CDH3: variants seen among roughly 807,000 people sequenced by gnomAD.
The protein encoded by CDH3 is cadherin-3.
CDH3 carries 54 observed loss-of-function variants against 82.0 expected under a neutral mutation model. That is an observed-to-expected ratio of 0.66 (90% confidence interval 0.53 to 0.83). CDH3 has a LOEUF of 0.83. Among genes scored for constraint, CDH3 ranks in the 40% least tolerant of loss-of-function variants. The pLI is 0.00. For synonymous variants in CDH3, 446 were observed against 437.9 expected (o/e 1.02, Z -0.23); for missense variants, 1,054 against 1,084.6 (o/e 0.97, Z 0.40).
Position 68,695,834 on chromosome 16 carries a change from C to A in CDH3, c.2191C>A (p.Arg731Ser). The A allele has an allele frequency of 6.2e-7, 1 of 1,614,100 alleles. No homozygotes were observed. Among genetic ancestry groups the A allele is most frequent in the Non-Finnish European group, 8.5e-7 (1 of 1,179,998 alleles). ...GLEARPEVVL[R>S]NDVAPTIIPT... Reference sequence around the variant, plus strand: ...GGAGGCCAGGCCGGAGGTGGTTCTCCGCAATGACGTGGCACCAACCATCAT... The same window carrying A: ...GGAGGCCAGGCCGGAGGTGGTTCTCAGCAATGACGTGGCACCAACCATCAT... Residue 731 changes from arginine (R) to serine (S), a missense_variant, in exon 15 of 16, where the codon CGC becomes AGC. Arg to Ser is a moderately radical substitution (Grantham distance 110, BLOSUM62 -1). Transcript: ENST00000264012.
At chr16:68,653,555 T>C (rs1029895435) in intron 2 of CDH3, among the ~76,000 whole-genome samples, 4 of 151,990 alleles carry the variant, frequency 2.6e-5, no homozygotes, top group African/African-American at 9.7e-5. Flanking sequence ...GTTTTTATTA[T>C]GTGCTTGGCC....
At chr16:68,656,819 C>G (rs1431827928) in intron 2 of CDH3, among the ~76,000 whole-genome samples, 1 of 152,208 alleles carries the variant, frequency 6.6e-6, no homozygotes, top group Non-Finnish European at 1.5e-5. Flanking sequence ...CTGCTAATCG[C>G]CAGGAGGGTT....
At chr16:68,702,973 A>G (rs976240232), downstream of CDH3, among the ~76,000 whole-genome samples, 2 of 152,070 alleles carry the variant, frequency 1.3e-5, no homozygotes, top group Non-Finnish European at 2.9e-5. Flanking sequence ...CCAAATCCAG[A>G]GCATTTTGAA....
At chr16:68,703,500 G>A (rs963624339), downstream of CDH3, among the ~76,000 whole-genome samples, 2 of 152,198 alleles carry the variant, frequency 1.3e-5, no homozygotes, top group Admixed American at 6.5e-5. Flanking sequence ...AGAGCTCCAG[G>A]GAACGACTCC....
intron 2 of CDH3, among the ~76,000 whole-genome samples, chr16:68,724,911 G>A (rs1394111555): frequency 6.6e-6 from 1 of 152,142 alleles, no homozygotes; most frequent in Non-Finnish European, 1.5e-5. Flanking sequence ...TTCATTGGCT[G>A]CCGAGCCAGC....
intron 1 of CDH3, chr16:68,722,313 T>C (rs1962173756): frequency 6.6e-6 from 1 of 152,128 alleles, no homozygotes; most frequent in Non-Finnish European, 1.5e-5. Flanking sequence ...AGTGAGTGAG[T>C]TAATGTGGCC....
At chr16:68,664,720 G>A (rs1960687935) in intron 2 of CDH3, among the ~76,000 whole-genome samples, 1 of 151,996 alleles carries the variant, frequency 6.6e-6, no homozygotes, top group Admixed American at 6.6e-5. Context: ...AGTGCATGGT[G>A]TGATCACGAC....
In CDH3 at chr16:68,695,404, T is replaced by C. The variant is rs766328718; in HGVS notation, c.2133+19T>C. ...GGACCAGGTGGGGCACTGGGGGCTC[T>C]GGGATTGGGAGGTGGATGCCCCTAA... On this transcript the variant is annotated intron_variant, in intron 14 of 15. Transcript: ENST00000264012. 6.3e-7 allele frequency: 1 copy of C among 1,596,352 alleles called. No homozygotes were observed. Among genetic ancestry groups the C allele is most frequent in the Middle Eastern group, 1.7e-4 (1 of 6,038 alleles).
chr16:68,709,457 T>G (rs1189431485), intron 1 of CDH3, among the ~76,000 whole-genome samples: 1 of 151,932 alleles, frequency 6.6e-6, no homozygotes, highest in Admixed American at 6.6e-5. Context: ...GGAGGTGCAG[T>G]CTACAGTGGG....
rs11328814 is a variant in CDH3 at position 68,694,622 on chromosome 16, C to CA, written c.2003-615dup. Reference sequence around the variant, plus strand: ...GGGCGACAAGAGTGAGACTCTGTCTCAAAAAAAAAAAAAAAAAATTCCAAC... The same window carrying CA: ...GGGCGACAAGAGTGAGACTCTGTCTCAAAAAAAAAAAAAAAAAAATTCCAAC... On this transcript the variant is annotated intron_variant, in intron 13 of 15. Transcript: ENST00000264012. 4.6e-4 allele frequency among the ~76,000 whole-genome samples: 65 copies of CA among 141,710 alleles called. No individual in the cohort carries two copies. The South Asian group carries it at 5.4e-3, about 12-fold the overall frequency. The allele number at this position is 141,710 out of a possible 152,430, so 93.0% of individuals were successfully genotyped here.
At position 68,678,847 on chromosome 16, in the gene CDH3, A is replaced by C; in HGVS notation, c.632A>C (p.His211Pro). ...ISIIVTDQND[H>P]KPKFTQDTFR... ...ATCATCGTGACCGACCAGAATGACC[A>C]CAAGCCCAAGTTTACCCAGGACACC... is the stretch of plus-strand genomic sequence containing the variant. Residue 211 changes from histidine (H) to proline (P), a missense_variant, in exon 6 of 16, where the codon CAC becomes CCC. His to Pro is a moderately conservative substitution (Grantham distance 77, BLOSUM62 -2). Coordinates refer to ENST00000264012, the MANE Select transcript of CDH3 (RefSeq NM_001793.6). The C allele has an allele frequency of 6.2e-7, 1 of 1,614,120 alleles. No individual in the cohort carries two copies. The highest frequency in any genetic ancestry group is 8.5e-7 in the Non-Finnish European group (1 of 1,180,032).
chr16:68,720,985 C>T (rs1371572364), intron 1 of CDH3, among the ~76,000 whole-genome samples: 1 of 152,084 alleles, frequency 6.6e-6, no homozygotes, highest in Non-Finnish European at 1.5e-5. Flanking sequence ...TTATACCACT[C>T]CTAGATGGTA....
At chr16:68,652,619 T>C (rs1960279985) in intron 2 of CDH3, among the ~76,000 whole-genome samples, 1 of 152,120 alleles carries the variant, frequency 6.6e-6, no homozygotes, top group Non-Finnish European at 1.5e-5. Flanking sequence ...AAATGATGAG[T>C]GTGCAGCCCG....
At chr16:68,679,665 A>C in intron 6 of CDH3, 134 bp from the exon 7 acceptor site, 1 of 625,034 alleles carries the variant, frequency 1.6e-6, no homozygotes, top group South Asian at 1.9e-5. Flanking sequence ...ATTGCACTCC[A>C]GCCTGGGTGA....
Position 68,724,841 on chromosome 16 carries a change from G to C in CDH3, c.*45+2225G>C, listed in dbSNP as rs137984455. ...TTTAATGACAGCAGGTAAAATCAGA[G>C]AGCCCTTTGTCTCCAAACATCTTTG... On this transcript the variant is annotated intron_variant, in intron 2 of 2. Coordinates refer to the CDH3 transcript ENST00000569080. Among the ~76,000 whole-genome samples, 954 of 152,224 alleles carry C rather than the reference G, an allele frequency of 6.3e-3. 19 individuals are homozygous for C. The highest frequency in any genetic ancestry group is 0.047 in the East Asian group (245 of 5,184).
chr16:68,727,197 GT>G (rs1962228727), exon 3 of CDH3, among the ~76,000 whole-genome samples: 1 of 152,120 alleles, frequency 6.6e-6, no homozygotes, highest in Non-Finnish European at 1.5e-5. Flanking sequence ...GAACTCCAGG[GT>G]CTCTCGCCTT....
chr16:68,675,500 A>G (rs971463136), intron 2 of CDH3, among the ~76,000 whole-genome samples: 4 of 152,128 alleles, frequency 2.6e-5, no homozygotes, highest in Non-Finnish European at 5.9e-5. Flanking sequence ...TCAGTTTTCT[A>G]ATCTTTGGAA....
At chr16:68,704,190 G>A (rs1378596785), downstream of CDH3, among the ~76,000 whole-genome samples, 1 of 151,742 alleles carries the variant, frequency 6.6e-6, no homozygotes, top group Non-Finnish European at 1.5e-5. Flanking sequence ...AGGAGGCTGA[G>A]GCAGGAGAAT....
At chr16:68,658,659 C>T (rs1052064556) in intron 2 of CDH3, among the ~76,000 whole-genome samples, 13 of 152,158 alleles carry the variant, frequency 8.5e-5, no homozygotes, top group Non-Finnish European at 1.3e-4. Context: ...CAGGACAGGA[C>T]GCCAGGCCCA....
Sources: gnomAD v4.1 joint callset for allele counts (sites outside exome capture counted in the v4.1 genomes callset) on GRCh38, gnomAD v4.1.1 for gene constraint, MANE v1.5 for transcripts, NCBI Gene and HGNC (gene_info 2026-07-23, HGNC 2026-07-21) for gene names.